Variants in NETO1 observed in about 807,000 individuals in gnomAD.
NETO1 encodes the protein neuropilin and tolloid like 1.
Under a neutral mutation model 61.3 loss-of-function variants are expected in NETO1, and 26 were observed. That is an observed-to-expected ratio of 0.42 (90% CI 0.31 to 0.59). The LOEUF (loss-of-function observed/expected upper bound fraction) is 0.59. NETO1 is among the 20% of genes least tolerant of loss of function. The probability of loss-of-function intolerance (pLI) is 0.12; values close to 1 mark genes in which losing one functional copy is unlikely to be tolerated. For missense variants in NETO1, 531 were observed against 662.8 expected (o/e 0.80, Z 2.18); for synonymous variants, 225 against 225.8 (o/e 1.00, Z 0.03).
In NETO1 at chr18:72,745,503, T is replaced by G. The variant is rs1269087445; in HGVS notation, c.*2676A>C. ...TCATCTTGTTAAATCAATAAAGCAC[T>G]TGGGTTGGTAATATTTGAATTCACT... On this transcript the variant is annotated 3_prime_UTR_variant, in exon 11 of 11. Coordinates refer to ENST00000327305, the MANE Select transcript of NETO1 (RefSeq NM_138966.5). The G allele has an allele frequency of 6.6e-6, 1 of 152,210 alleles. No individual in the cohort carries two copies. 9.4% of individuals were successfully genotyped at this position (152,210 alleles called of 1,614,324 possible).
At chr18:72,826,621 A>T (rs1026788575) in intron 4 of NETO1, among the ~76,000 whole-genome samples, 17 of 151,944 alleles carry the variant, frequency 1.1e-4, no homozygotes, top group African/African-American at 3.9e-4. Context: ...TGGTTTGGAA[A>T]CTATGGACTG....
chr18:72,865,063 C>G (rs1171696937), intron 2 of NETO1, 118 bp from the exon 3 acceptor site: 32 of 1,406,242 alleles, frequency 2.3e-5, no homozygotes, highest in Non-Finnish European at 2.9e-5. Flanking sequence ...GTTGTCTTAG[C>G]CAAACCAATC....
chr18:72,770,167 T>A (rs2071307432), intron 7 of NETO1, among the ~76,000 whole-genome samples: 1 of 152,074 alleles, frequency 6.6e-6, no homozygotes, highest in South Asian at 2.1e-4. Context: ...TTCTTATGCT[T>A]ACAGGGTATT....
intron 6 of NETO1, among the ~76,000 whole-genome samples, chr18:72,788,308 G>T (rs1224216421): frequency 6.6e-6 from 1 of 152,088 alleles, no homozygotes; most frequent in African/African-American, 2.4e-5. Context: ...TGATGGCAAT[G>T]ATTTTTTATC....
At chr18:72,838,310 G>C (rs2073819845) in intron 4 of NETO1, among the ~76,000 whole-genome samples, 1 of 152,188 alleles carries the variant, frequency 6.6e-6, no homozygotes, top group Non-Finnish European at 1.5e-5. Context: ...CTCACTCAGA[G>C]GACATAGTTA....
intron 4 of NETO1, among the ~76,000 whole-genome samples, chr18:72,810,527 G>C (rs2072831003): frequency 6.6e-6 from 1 of 152,142 alleles, no homozygotes; most frequent in South Asian, 2.1e-4. Flanking sequence ...AATACAACTG[G>C]AAATAGTGCT....
In NETO1 at chr18:72,779,800, A is replaced by T. The variant is rs190847842; in HGVS notation, c.868+3878T>A. On this transcript the variant is annotated intron_variant, in intron 7 of 10. Transcript: ENST00000327305. ...GAGTCTGTTTGGGTTACTACAGCAA[A>T]CTACAATAAATTAGGTGGCTTATAA... Among the ~76,000 whole-genome samples the T allele has an allele frequency of 8.5e-5, 13 of 152,294 alleles. No individual in the cohort carries two copies. The East Asian group carries it at 2.5e-3, about 29-fold the overall frequency.
chr18:72,763,419 C>A (rs543686384), intron 7 of NETO1, among the ~76,000 whole-genome samples: 2 of 152,160 alleles, frequency 1.3e-5, no homozygotes, highest in Admixed American at 1.3e-4. Flanking sequence ...CTCCCCTCCC[C>A]AGTCCACTCA....
chr18:72,744,981 A>T lies in NETO1; in HGVS notation c.*3198T>A, dbSNP rs1004860244. The T allele has an allele frequency of 1.3e-5, 2 of 152,206 alleles. No homozygotes were observed. The highest frequency in any genetic ancestry group is 2.1e-4 in the South Asian group (1 of 4,828). 9.4% of individuals were successfully genotyped at this position (152,206 alleles called of 1,614,324 possible). A position where few individuals can be genotyped will look rare whatever the true frequency, so the allele number is the denominator to read the frequency against. ...AGAAGCTTAAGTGAATATTAAAGTAATGCCAACCGTCTAAGTTACTTAACA... is the reference window on the plus strand; with the variant it reads ...AGAAGCTTAAGTGAATATTAAAGTATTGCCAACCGTCTAAGTTACTTAACA... On this transcript the variant is annotated 3_prime_UTR_variant, in exon 11 of 11. Coordinates refer to ENST00000327305, the MANE Select transcript of NETO1 (RefSeq NM_138966.5).
intron 4 of NETO1, 93 bp downstream of exon 4, chr18:72,858,733 A>G: frequency 8.2e-7 from 1 of 1,224,606 alleles, no homozygotes; most frequent in Non-Finnish European, 1.1e-6. Flanking sequence ...ACATTCTCTG[A>G]GAAAGTATAA....
intron 4 of NETO1, among the ~76,000 whole-genome samples, chr18:72,796,492 GT>G (rs1479239082): frequency 2.0e-5 from 3 of 151,932 alleles, no homozygotes; most frequent in Non-Finnish European, 4.4e-5. Flanking sequence ...TTTTTTGTTT[GT>G]TTTTTTGAGA....
At chr18:72,835,453 A>G (rs1183605701) in intron 4 of NETO1, 1 of 519,688 alleles carries the variant, frequency 1.9e-6, no homozygotes, top group East Asian at 3.6e-5. Context: ...ACAAGTTAAA[A>G]CTCCTGTTTA....
At chr18:72,841,602 T>C (rs1281414680) in intron 4 of NETO1, among the ~76,000 whole-genome samples, 1 of 151,592 alleles carries the variant, frequency 6.6e-6, no homozygotes, top group African/African-American at 2.4e-5. Flanking sequence ...GGCATGGTAG[T>C]GTGCGCCTGT....
chr18:72,851,362 G>C lies in NETO1; in HGVS notation c.469+7464C>G, dbSNP rs149851339. ...GGAGAAGGAGGTTGTGGTGAGCTGA[G>C]ATTGCACCACTGCACTCCAGCCTGG... On this transcript the variant is annotated intron_variant, in intron 4 of 10. Coordinates refer to ENST00000327305, the MANE Select transcript of NETO1 (RefSeq NM_138966.5). Among the ~76,000 whole-genome samples the C allele has an allele frequency of 1.6e-3, 238 of 151,270 alleles. 1 individual carries two copies. Among genetic ancestry groups the C allele is most frequent in the African/African-American group, 5.5e-3 (225 of 40,754 alleles).
At chr18:72,788,470 C>T (rs2071996550) in intron 6 of NETO1, among the ~76,000 whole-genome samples, 1 of 151,948 alleles carries the variant, frequency 6.6e-6, no homozygotes, top group Non-Finnish European at 1.5e-5. Context: ...GAGTGACTAT[C>T]TCATTAGCTT....
At chr18:72,852,165 T>C (rs893441159) in intron 4 of NETO1, among the ~76,000 whole-genome samples, 1 of 152,194 alleles carries the variant, frequency 6.6e-6, no homozygotes, top group Non-Finnish European at 1.5e-5. Flanking sequence ...TCTCCACCTC[T>C]CCAGGAAACA....
chr18:72,854,473 A>G (rs888356058), intron 4 of NETO1, among the ~76,000 whole-genome samples: 3 of 152,184 alleles, frequency 2.0e-5, no homozygotes, highest in Non-Finnish European at 4.4e-5. Flanking sequence ...GAAGTAAATT[A>G]TAAGACCAAC....
chr18:72,797,350 T>C (rs1419981730), intron 4 of NETO1, among the ~76,000 whole-genome samples: 1 of 152,246 alleles, frequency 6.6e-6, no homozygotes, highest in African/African-American at 2.4e-5. Flanking sequence ...ATAGCACTGA[T>C]AGTTTAAAAA....
chr18:72,832,847 A>G (rs1235698843), intron 4 of NETO1, among the ~76,000 whole-genome samples: 1 of 152,254 alleles, frequency 6.6e-6, no homozygotes, highest in Non-Finnish European at 1.5e-5. Flanking sequence ...ACAGATTTAT[A>G]CACAAATTAA....
Sources: gnomAD v4.1 joint callset for allele counts (sites outside exome capture counted in the v4.1 genomes callset) on GRCh38, gnomAD v4.1.1 for gene constraint, MANE v1.5 for transcripts, NCBI Gene and HGNC (gene_info 2026-07-23, HGNC 2026-07-21) for gene names.